Variants in CTNNA3 observed in about 807,000 individuals in gnomAD.
CTNNA3 encodes the protein catenin alpha-3.
In CTNNA3, 76 loss-of-function variants were observed where a neutral mutation model predicts 95.7. That is an observed-to-expected ratio of 0.79 (90% CI 0.66 to 0.96). CTNNA3 has a LOEUF of 0.96. Among genes scored for constraint, CTNNA3 ranks in the 40% least tolerant of loss-of-function variants. CTNNA3 has a pLI of 0.00. For missense variants in CTNNA3, 1,191 were observed against 1,089.8 expected (o/e 1.09, Z -1.31); for synonymous variants, 431 against 374.4 (o/e 1.15, Z -1.74).
intron 5 of CTNNA3, among the ~76,000 whole-genome samples, chr10:67,383,901 TAC>T (rs1276044844): frequency 6.6e-6 from 1 of 152,192 alleles, no homozygotes; most frequent in Non-Finnish European, 1.5e-5. Flanking sequence ...TCCTTCAGAC[TAC>T]TGAGGAAATT....
chr10:67,102,532 G>A (rs902468911), intron 7 of CTNNA3, among the ~76,000 whole-genome samples: 7 of 151,760 alleles, frequency 4.6e-5, no homozygotes, highest in African/African-American at 1.7e-4. Flanking sequence ...CAGCAGCAGA[G>A]TGCCTCAACC....
intron 10 of CTNNA3, among the ~76,000 whole-genome samples, chr10:66,521,834 C>T (rs759625526): frequency 2.0e-5 from 3 of 152,070 alleles, no homozygotes; most frequent in Non-Finnish European, 4.4e-5. Context: ...CTTGTAAAGC[C>T]GTGTTTCATC....
chr10:66,253,246 C>T (rs2090629614), intron 13 of CTNNA3, among the ~76,000 whole-genome samples: 2 of 152,168 alleles, frequency 1.3e-5, no homozygotes, highest in South Asian at 4.1e-4. Context: ...GTCAACACCC[C>T]TATCATTACC....
At chr10:66,402,122 T>C (rs1250984553) in intron 11 of CTNNA3, among the ~76,000 whole-genome samples, 1 of 152,216 alleles carries the variant, frequency 6.6e-6, no homozygotes, top group East Asian at 1.9e-4. Flanking sequence ...ATTTGTTCAA[T>C]ATAATGGTTA....
At chr10:66,433,939 G>T (rs2093317673) in intron 11 of CTNNA3, among the ~76,000 whole-genome samples, 2 of 152,316 alleles carry the variant, frequency 1.3e-5, no homozygotes, top group Middle Eastern at 3.4e-3. Flanking sequence ...GTTTGTCAAA[G>T]ATCAGATGGC....
At chr10:66,255,387 T>G (rs2090727363) in intron 13 of CTNNA3, among the ~76,000 whole-genome samples, 2 of 152,212 alleles carry the variant, frequency 1.3e-5, no homozygotes, top group South Asian at 4.1e-4. Flanking sequence ...GGTTGCATTC[T>G]TATAAAGTGG....
intron 7 of CTNNA3, among the ~76,000 whole-genome samples, chr10:66,954,195 T>A (rs569334537): frequency 6.6e-6 from 1 of 152,314 alleles, no homozygotes; most frequent in South Asian, 2.1e-4. Flanking sequence ...TATATAGATT[T>A]TTCTTAATAC....
rs149729101 is a variant in CTNNA3, at chr10:66,066,143, G to A, written c.2159+3165C>T. ...CTCCCAAAGTGCTGGGATTACAGGC[G>A]TGAGCCACCGCACCTAGCCACCAAG... On this transcript the variant is annotated intron_variant, in intron 15 of 17. Coordinates refer to ENST00000433211, the MANE Select transcript of CTNNA3 (RefSeq NM_013266.4). Among the ~76,000 whole-genome samples, 13 of 152,016 alleles carry A rather than the reference G, an allele frequency of 8.6e-5. No homozygotes were observed. The South Asian group carries it at 1.3e-3, about 15-fold the overall frequency.
intron 9 of CTNNA3, among the ~76,000 whole-genome samples, chr10:66,695,535 G>T (rs182581384): frequency 6.6e-6 from 1 of 151,864 alleles, no homozygotes; most frequent in African/African-American, 2.4e-5. Flanking sequence ...TATTATCCTC[G>T]AATACCCTCT....
intron 7 of CTNNA3, chr10:66,926,067 T>G (rs1564770756): frequency 2.2e-6 from 1 of 457,394 alleles, no homozygotes; most frequent in Non-Finnish European, 4.4e-6. Flanking sequence ...AATGACAGTC[T>G]GCAGAAGTGA....
intron 5 of CTNNA3, among the ~76,000 whole-genome samples, chr10:67,364,785 A>T (rs933018781): frequency 6.6e-6 from 1 of 152,228 alleles, no homozygotes; most frequent in Non-Finnish European, 1.5e-5. Context: ...AAATCATGAA[A>T]ATGGCCATAC....
intron 11 of CTNNA3, among the ~76,000 whole-genome samples, chr10:66,504,216 A>T (rs563083105): frequency 1.3e-5 from 2 of 152,160 alleles, no homozygotes; most frequent in Admixed American, 6.5e-5. Flanking sequence ...CTCTCCCTTT[A>T]CCAGCAGTCC....
chr10:66,131,663 T>C (rs2083109193), intron 13 of CTNNA3, among the ~76,000 whole-genome samples: 1 of 152,022 alleles, frequency 6.6e-6, no homozygotes, highest in Non-Finnish European at 1.5e-5. Context: ...TACAGGACTA[T>C]GGTAACAAAA....
intron 7 of CTNNA3, among the ~76,000 whole-genome samples, chr10:67,124,447 A>G (rs1285433761): frequency 6.6e-6 from 1 of 150,696 alleles, no homozygotes; most frequent in Admixed American, 6.6e-5. Flanking sequence ...TATATGGAAA[A>G]TATTACAAAA....
intron 5 of CTNNA3, among the ~76,000 whole-genome samples, chr10:67,276,236 T>C (rs775436816): frequency 2.3e-4 from 35 of 152,140 alleles, no homozygotes; most frequent in Middle Eastern, 3.2e-3. Flanking sequence ...CCTGAAACAA[T>C]GTTTTTGTCT....
intron 15 of CTNNA3, among the ~76,000 whole-genome samples, chr10:65,993,145 T>C (rs2078578783): frequency 6.6e-6 from 1 of 152,200 alleles, no homozygotes; most frequent in East Asian, 1.9e-4. Context: ...TGTTAAGATT[T>C]GTTTTGTTGC....
At chr10:66,106,337 TTGTGTGTGTG>T (rs201326026) in intron 13 of CTNNA3, among the ~76,000 whole-genome samples, 27,820 of 145,372 alleles carry the variant, frequency 0.19, 2,728 homozygotes, top group South Asian at 0.32. Context: ...GTGTGTGTGT[TTGTGTGTGTG>T]TGTGTGTGTG....
intron 7 of CTNNA3, among the ~76,000 whole-genome samples, chr10:66,838,669 A>T (rs1842956832): frequency 6.6e-6 from 1 of 152,104 alleles, no homozygotes; most frequent in Non-Finnish European, 1.5e-5. Flanking sequence ...TCTCTAGGAG[A>T]GGAAATGTGC....
intron 12 of CTNNA3, among the ~76,000 whole-genome samples, chr10:66,330,646 G>A (rs1185067873): frequency 4.6e-5 from 7 of 152,000 alleles, no homozygotes; most frequent in Admixed American, 3.3e-4. Flanking sequence ...GAATCACCAC[G>A]CTGACTTCCA....
Sources: gnomAD v4.1 joint callset for allele counts (sites outside exome capture counted in the v4.1 genomes callset) on GRCh38, gnomAD v4.1.1 for gene constraint, MANE v1.5 for transcripts, NCBI Gene and HGNC (gene_info 2026-07-23, HGNC 2026-07-21) for gene names.